The following ATPAF1 variants were observed in gnomAD, a reference collection of about 807,000 sequenced individuals.
ATPAF1 encodes ATP synthase mitochondrial F1 complex assembly factor 1.
Under a neutral mutation model 43.9 loss-of-function variants are expected in ATPAF1, and 26 were observed. That is an observed-to-expected ratio of 0.59 (90% CI 0.43 to 0.82). ATPAF1 has a LOEUF of 0.82. Among genes scored for constraint, ATPAF1 ranks in the 40% least tolerant of loss-of-function variants. The pLI is 0.00. For synonymous variants in ATPAF1, 157 were observed against 168.0 expected, an observed-to-expected ratio of 0.93 and a Z score of 0.50; for missense variants, 366 against 435.0, an observed-to-expected ratio of 0.84 and a Z score of 1.41.
chr1:46,652,733 A>G, intron 5 of ATPAF1, 105 bp from the exon 6 acceptor site: 1 of 947,508 alleles, frequency 1.1e-6, no homozygotes, highest in Non-Finnish European at 1.6e-6. Context: ...TAATACAACT[A>G]AAACAGTCAT....
At chr1:46,654,514 A>AATTT (rs1012671005) in intron 4 of ATPAF1, among the ~76,000 whole-genome samples, 178 of 124,154 alleles carry the variant, frequency 1.4e-3, no homozygotes, top group African/African-American at 4.9e-3. Flanking sequence ...GAGACTGGGC[A>AATTT]ATTTATTTAT....
chr1:46,651,199 T>C (rs1319155355), intron 6 of ATPAF1, among the ~76,000 whole-genome samples: 3 of 151,858 alleles, frequency 2.0e-5, no homozygotes, highest in Non-Finnish European at 4.4e-5. Flanking sequence ...CCTTCCTGTG[T>C]CCATGTGTTC....
chr1:46,633,241 C>G (rs1675782301), downstream of ATPAF1: 1 of 142,622 alleles, frequency 7.0e-6, no homozygotes, highest in Admixed American at 7.1e-5. Context: ...AAAGTTTGTT[C>G]TTTTAACTGG....
intron 5 of ATPAF1, among the ~76,000 whole-genome samples, chr1:46,652,899 C>T (rs1676197851): frequency 6.6e-6 from 1 of 152,094 alleles, no homozygotes; most frequent in African/African-American, 2.4e-5. Context: ...GTCACCAAGT[C>T]AGTTTGAGGG....
At chr1:46,646,531 C>A (rs1196934387) in intron 6 of ATPAF1, among the ~76,000 whole-genome samples, 1 of 152,108 alleles carries the variant, frequency 6.6e-6, no homozygotes, top group Non-Finnish European at 1.5e-5. Context: ...AAGAATGGTG[C>A]CAGAACAAAA....
intron 5 of ATPAF1, 76 bp from the exon 6 acceptor site, chr1:46,652,704 A>C (rs1676194824): frequency 7.3e-6 from 9 of 1,233,190 alleles, no homozygotes; most frequent in Non-Finnish European, 1.1e-5. Context: ...TAATTCACCA[A>C]GACTGAATTC....
chr1:46,651,517 T>C (rs939845881), intron 6 of ATPAF1, among the ~76,000 whole-genome samples: 2 of 152,168 alleles, frequency 1.3e-5, no homozygotes, highest in African/African-American at 4.8e-5. Flanking sequence ...ATACACCCAG[T>C]AATGGGATGG....
At chr1:46,635,713 AG>A in exon 9 of ATPAF1, 4 of 1,470,840 alleles carry the variant, frequency 2.7e-6, no homozygotes, top group South Asian at 1.3e-5. Flanking sequence ...GTTCCTGAGG[AG>A]GGGGTGGGCT....
chr1:46,641,905 T>C (rs1040777465), intron 8 of ATPAF1, among the ~76,000 whole-genome samples: 42 of 152,164 alleles, frequency 2.8e-4, no homozygotes, highest in African/African-American at 9.9e-4. Context: ...TGGTTTTAAG[T>C]ACAATCTGTA....
intron 1 of ATPAF1, chr1:46,665,768 C>G (rs1366383581): frequency 6.6e-7 from 1 of 1,506,234 alleles, no homozygotes; most frequent in East Asian, 2.5e-5. Context: ...GAAAATATGT[C>G]CCCCCAACCA....
intron 5 of ATPAF1, 120 bp from the exon 6 acceptor site, chr1:46,652,748 G>T: frequency 1.2e-6 from 1 of 856,076 alleles, no homozygotes; most frequent in Admixed American, 2.5e-5. Flanking sequence ...AGTCATTTAA[G>T]TTTCATCATT....
intron 4 of ATPAF1, among the ~76,000 whole-genome samples, 163 bp from the exon 5 acceptor site, chr1:46,654,030 T>C (rs1033910822): frequency 7.9e-5 from 12 of 152,224 alleles, no homozygotes; most frequent in Admixed American, 6.5e-5. Context: ...AAAAAAGATT[T>C]AATACAATCC....
At chr1:46,646,305 G>A (rs377072514) in intron 6 of ATPAF1, among the ~76,000 whole-genome samples, 1 of 152,294 alleles carries the variant, frequency 6.6e-6, no homozygotes, top group East Asian at 1.9e-4. Flanking sequence ...ACTGTTGTAT[G>A]GAATTCTATT....
At chr1:46,665,162 A>G in intron 2 of ATPAF1, 94 bp downstream of exon 2, 1 of 1,155,108 alleles carries the variant, frequency 8.7e-7, no homozygotes, top group Non-Finnish European at 1.3e-6. Context: ...CACCCAGCTG[A>G]CCCATCAATA....
chr1:46,667,622 C>T (rs963131572), intron 1 of ATPAF1, among the ~76,000 whole-genome samples: 4 of 152,204 alleles, frequency 2.6e-5, no homozygotes, highest in East Asian at 1.9e-4. Context: ...CATCCCCAGT[C>T]GCCTTTCCTT....
exon 9 of ATPAF1, chr1:46,635,770 A>G (rs751605901): frequency 6.2e-7 from 1 of 1,611,752 alleles, no homozygotes; most frequent in Non-Finnish European, 8.5e-7. Flanking sequence ...GCCAACCTGT[A>G]CAGTTCTAAG....
At chr1:46,646,212 C>T (rs1188796625) in intron 6 of ATPAF1, among the ~76,000 whole-genome samples, 1 of 152,068 alleles carries the variant, frequency 6.6e-6, no homozygotes, top group Non-Finnish European at 1.5e-5. Flanking sequence ...GTGTGTGTAT[C>T]CTTTTGTAAC....
intron 2 of ATPAF1, among the ~76,000 whole-genome samples, chr1:46,662,043 T>C (rs1181718242): frequency 1.3e-5 from 2 of 152,156 alleles, no homozygotes; most frequent in Admixed American, 6.5e-5. Flanking sequence ...TACAGGCGCC[T>C]GCCACAACGC....
intron 1 of ATPAF1, among the ~76,000 whole-genome samples, chr1:46,667,709 C>T (rs1676514464): frequency 1.3e-5 from 2 of 152,206 alleles, no homozygotes; most frequent in Non-Finnish European, 2.9e-5. Context: ...AATATGTGAC[C>T]TTGAGCAAGT....
Sources: gnomAD v4.1 joint callset for allele counts (sites outside exome capture counted in the v4.1 genomes callset) on GRCh38, gnomAD v4.1.1 for gene constraint, MANE v1.5 for transcripts, NCBI Gene and HGNC (gene_info 2026-07-23, HGNC 2026-07-21) for gene names.